The following PTCHD4 variants were observed in gnomAD, a reference collection of about 807,000 sequenced individuals.
PTCHD4 encodes the protein patched domain-containing protein 4.
PTCHD4 carries 33 observed loss-of-function variants against 58.1 expected under a neutral mutation model. The observed-to-expected ratio is 0.57, with a 90% CI of 0.43 to 0.76. The LOEUF (loss-of-function observed/expected upper bound fraction) is 0.76, where lower values mean the gene tolerates loss of function less well. Among genes scored for constraint, PTCHD4 ranks in the 30% least tolerant of loss-of-function variants. The pLI, the probability that PTCHD4 is intolerant of heterozygous loss-of-function variation, is 0.00. For synonymous variants in PTCHD4, 478 were observed against 409.6 expected (o/e 1.17, Z -2.02); for missense variants, 1,058 against 1,027.1 (o/e 1.03, Z -0.41).
chr6:47,902,492 G>A (rs939147620), intron 4 of PTCHD4, among the ~76,000 whole-genome samples: 1 of 152,158 alleles, frequency 6.6e-6, no homozygotes, highest in Non-Finnish European at 1.5e-5. Context: ...GCATAAATGG[G>A]AAAGTTTGCG....
In PTCHD4 at chr6:47,863,305, T is replaced by C. The variant is rs1763477324; in HGVS notation, c.*14998A>G. Reference sequence around the variant, plus strand: ...GTGAACATACTGCTAAGGACTGTCCTAGGGCCTCCAAAAGACTTATGTAAG... The same window carrying C: ...GTGAACATACTGCTAAGGACTGTCCCAGGGCCTCCAAAAGACTTATGTAAG... On this transcript the variant is annotated 3_prime_UTR_variant, in exon 5 of 5. Transcript: ENST00000339488. Among the ~76,000 whole-genome samples the C allele has an allele frequency of 6.6e-6, 1 of 151,868 alleles. No homozygotes were observed. Among genetic ancestry groups the C allele is most frequent in the Admixed American group, 6.6e-5 (1 of 15,216 alleles).
At chr6:48,018,939 C>A (rs935645350) in intron 3 of PTCHD4, among the ~76,000 whole-genome samples, 3 of 152,302 alleles carry the variant, frequency 2.0e-5, no homozygotes, top group African/African-American at 4.8e-5. Flanking sequence ...TATTGCCTTT[C>A]TTTTGGACTA....
chr6:48,009,184 T>A, intron 3 of PTCHD4, 70 bp from the exon 4 acceptor site: 1 of 1,463,652 alleles, frequency 6.8e-7, no homozygotes. Context: ...TTACTCTAAG[T>A]GAAGGAGCAC....
Position 47,861,773 on chromosome 6 carries a change from A to G in PTCHD4, c.*16530T>C, listed in dbSNP as rs1360604717. 2.0e-5 allele frequency among the ~76,000 whole-genome samples: 3 copies of G among 151,896 alleles called. No individual in the cohort carries two copies. Among genetic ancestry groups the G allele is most frequent in the Admixed American group, 2.0e-4 (3 of 15,218 alleles). ...ATAGTTACTTTCTTCTTTTTATGAG[A>G]CATTAAAGTATTCCGCTGAGCAATT... On this transcript the variant is annotated 3_prime_UTR_variant, in exon 5 of 5. Coordinates refer to ENST00000339488, the MANE Select transcript of PTCHD4 (RefSeq NM_001384253.1).
intron 4 of PTCHD4, among the ~76,000 whole-genome samples, chr6:47,944,836 T>C (rs966189206): frequency 6.6e-5 from 10 of 152,218 alleles, no homozygotes; most frequent in African/African-American, 2.4e-4. Flanking sequence ...AACTTACTCC[T>C]CACTTCACAG....
Position 47,878,856 on chromosome 6 carries a change from A to G in PTCHD4, c.1979T>C (p.Ile660Thr), listed in dbSNP as rs1412083109. Residue 660 changes from isoleucine to threonine, a missense_variant, in exon 5 of 5, where the codon ATT (isoleucine) becomes ACT (threonine). Transcript: ENST00000339488. The part of the protein sequence containing the change: ...YSLSVTVPVL[I>T]AGFGVLLVLI... ...CACCAGGAGAACACCAAAGCCTGCA[A>G]TCAGAACAGGCACTGTGACAGACAA... 1.9e-6 allele frequency: 3 copies of G among 1,613,770 alleles called. No homozygotes were observed. The East Asian group carries it at 6.7e-5, about 36-fold the overall frequency.
At chr6:48,088,402 A>C (rs187693724) in intron 1 of PTCHD4, among the ~76,000 whole-genome samples, 116 of 152,294 alleles carry the variant, frequency 7.6e-4, no homozygotes, top group Non-Finnish European at 3.4e-4. Flanking sequence ...TCCTTTCTTC[A>C]TAAAAAGCAA....
At chr6:48,045,924 A>T (rs1764021188) in intron 3 of PTCHD4, among the ~76,000 whole-genome samples, 1 of 151,818 alleles carries the variant, frequency 6.6e-6, no homozygotes, top group African/African-American at 2.4e-5. Flanking sequence ...GGCTAAACAA[A>T]TTTTTAACAA....
At chr6:47,975,446 C>T (rs899257210) in intron 4 of PTCHD4, among the ~76,000 whole-genome samples, 16 of 152,096 alleles carry the variant, frequency 1.1e-4, no homozygotes, top group South Asian at 2.1e-4. Context: ...ATGTGTAGAA[C>T]GTGCAGGTCT....
chr6:47,990,946 G>A (rs1475766077), intron 4 of PTCHD4, among the ~76,000 whole-genome samples: 1 of 151,954 alleles, frequency 6.6e-6, no homozygotes, highest in African/African-American at 2.4e-5. Flanking sequence ...AAGAAAATTA[G>A]CAAACTGTTC....
chr6:48,102,754 C>G (rs1287147471), intron 1 of PTCHD4, among the ~76,000 whole-genome samples: 1 of 152,236 alleles, frequency 6.6e-6, no homozygotes, highest in Non-Finnish European at 1.5e-5. Context: ...CACTCCCACC[C>G]TAATACTGCA....
chr6:48,065,852 G>C (rs1764775248), intron 3 of PTCHD4, among the ~76,000 whole-genome samples: 1 of 152,192 alleles, frequency 6.6e-6, no homozygotes, highest in Non-Finnish European at 1.5e-5. Context: ...TGTGGAATAA[G>C]AACTTTAGCT....
At chr6:47,928,071 C>A (rs754871804) in intron 4 of PTCHD4, among the ~76,000 whole-genome samples, 1 of 152,118 alleles carries the variant, frequency 6.6e-6, no homozygotes, top group South Asian at 2.1e-4. Flanking sequence ...TCCATATAAA[C>A]ACCTTGTGGC....
Position 47,879,026 on chromosome 6 carries a change from A to C in PTCHD4, c.1809T>G (p.Ser603=), listed in dbSNP as rs757583524. 1 of 1,613,518 alleles carries C rather than the reference A, an allele frequency of 6.2e-7. No homozygotes were observed. Among genetic ancestry groups the C allele is most frequent in the Non-Finnish European group, 8.5e-7 (1 of 1,179,734 alleles). The stretch of plus-strand genomic sequence containing the variant: ...TAGTCCTGGCCACCAGATACAAGCG[A>C]GAAGCAATGATATTGCTTTCATCCC... ...KAGDESNIIA[S]RLYLVARTSR... is the part of the protein sequence containing the mutation. The change falls in exon 5 of 5, where the codon TCT becomes TCG. Residue 603 remains serine (S), a synonymous_variant. Coordinates refer to ENST00000339488, the MANE Select transcript of PTCHD4 (RefSeq NM_001384253.1).
intron 4 of PTCHD4, among the ~76,000 whole-genome samples, chr6:47,982,065 G>GTCAAAAT (rs1767899305): frequency 1.3e-5 from 2 of 152,098 alleles, no homozygotes; most frequent in South Asian, 4.1e-4. Flanking sequence ...ACATTTAACT[G>GTCAAAAT]TCAAAATATC....
At chr6:48,002,726 T>C (rs1298824806) in intron 4 of PTCHD4, among the ~76,000 whole-genome samples, 1 of 151,750 alleles carries the variant, frequency 6.6e-6, no homozygotes, top group Non-Finnish European at 1.5e-5. Flanking sequence ...AACCTGCACA[T>C]TGTGCACATG....
At chr6:47,904,325 T>C (rs1764808526) in intron 4 of PTCHD4, among the ~76,000 whole-genome samples, 1 of 152,206 alleles carries the variant, frequency 6.6e-6, no homozygotes, top group Non-Finnish European at 1.5e-5. Flanking sequence ...GAGCAGAGGT[T>C]GGCAAACTAG....
At chr6:47,916,241 C>T (rs573577963) in intron 4 of PTCHD4, among the ~76,000 whole-genome samples, 1 of 152,028 alleles carries the variant, frequency 6.6e-6, no homozygotes, top group African/African-American at 2.4e-5. Flanking sequence ...TTAGCAGTCC[C>T]GCTAGTTTCA....
chr6:48,082,731 C>G (rs1318463420), intron 1 of PTCHD4, among the ~76,000 whole-genome samples: 1 of 151,962 alleles, frequency 6.6e-6, no homozygotes, highest in African/African-American at 2.4e-5. Flanking sequence ...CTTTTATATT[C>G]CCACAAAATT....
Sources: allele counts gnomAD v4.1 joint callset (sites outside exome capture counted in the v4.1 genomes callset), GRCh38; gene constraint gnomAD v4.1.1; transcripts MANE v1.5; gene names NCBI Gene and HGNC (gene_info 2026-07-23, HGNC 2026-07-21).